FBXL17: variants seen among roughly 807,000 people sequenced by gnomAD.
FBXL17 encodes the protein F-box and leucine rich repeat protein 17.
FBXL17 carries 22 observed loss-of-function variants against 66.2 expected under a neutral mutation model. That is an observed-to-expected ratio of 0.33 (90% CI 0.24 to 0.47). The LOEUF (loss-of-function observed/expected upper bound fraction) is 0.47, where lower values mean the gene tolerates loss of function less well. FBXL17 is among the 20% of genes least tolerant of loss of function. The pLI, the probability that FBXL17 is intolerant of heterozygous loss-of-function variation, is 1.00. For missense variants in FBXL17, 878 were observed against 948.2 expected, an observed-to-expected ratio of 0.93 and a Z score of 0.97; for synonymous variants, 474 against 400.5, an observed-to-expected ratio of 1.18 and a Z score of -2.19.
intron 4 of FBXL17, among the ~76,000 whole-genome samples, chr5:108,290,046 A>T (rs986038648): frequency 1.3e-5 from 2 of 152,206 alleles, no homozygotes; most frequent in African/African-American, 4.8e-5. Context: ...TTTTTAGTGG[A>T]GACACTGGCA....
intron 7 of FBXL17, among the ~76,000 whole-genome samples, chr5:107,883,054 C>G (rs1748842629): frequency 6.6e-6 from 1 of 152,122 alleles, no homozygotes; most frequent in South Asian, 2.1e-4. Flanking sequence ...TAGAATGAAA[C>G]TTTTTTATTT....
At chr5:108,143,347 T>A (rs386650) in intron 6 of FBXL17, among the ~76,000 whole-genome samples, 4,163 of 147,764 alleles carry the variant, frequency 0.028, 193 homozygotes, top group African/African-American at 0.098. Context: ...AACAGCATTC[T>A]CACACACACA....
rs143840082 is a variant in FBXL17 at position 107,923,400 on chromosome 5, T to C, written c.1823-42221A>G. 2.8e-4 allele frequency among the ~76,000 whole-genome samples: 43 copies of C among 152,274 alleles called. 1 individual carries two copies. In the South Asian group the frequency reaches 7.5e-3, roughly 26 times the overall value. On this transcript the variant is annotated intron_variant, in intron 7 of 8. Coordinates refer to ENST00000542267, the MANE Select transcript of FBXL17 (RefSeq NM_001163315.3). ...TGGTAACTAGGGAATGGCTGCGATATAGGCCCTAAGAAAATAGGGTTTCTT... is the reference window on the plus strand; with the variant it reads ...TGGTAACTAGGGAATGGCTGCGATACAGGCCCTAAGAAAATAGGGTTTCTT...
At chr5:108,140,320 CA>C (rs1191846510) in intron 6 of FBXL17, among the ~76,000 whole-genome samples, 1 of 152,172 alleles carries the variant, frequency 6.6e-6, no homozygotes, top group African/African-American at 2.4e-5. Context: ...TGTGGGATTA[CA>C]GGTGTGAGCC....
intron 4 of FBXL17, among the ~76,000 whole-genome samples, chr5:108,295,794 A>T (rs1454907604): frequency 6.6e-6 from 1 of 151,984 alleles, no homozygotes; most frequent in Non-Finnish European, 1.5e-5. Flanking sequence ...TAGGAAAGGG[A>T]AAGAGAAAGG....
chr5:108,379,765 A>G (rs1247760035), intron 1 of FBXL17, among the ~76,000 whole-genome samples: 2 of 152,192 alleles, frequency 1.3e-5, no homozygotes, highest in South Asian at 4.2e-4. Flanking sequence ...TAACTTAATA[A>G]AAACTCTATT....
chr5:107,980,268 G>A (rs1246976190), intron 7 of FBXL17, among the ~76,000 whole-genome samples: 1 of 151,936 alleles, frequency 6.6e-6, no homozygotes, highest in East Asian at 1.9e-4. Flanking sequence ...GATGAAGCTT[G>A]GCCTATAAGA....
chr5:108,091,650 T>C (rs1749191887), intron 6 of FBXL17, among the ~76,000 whole-genome samples: 1 of 152,230 alleles, frequency 6.6e-6, no homozygotes, highest in Non-Finnish European at 1.5e-5. Flanking sequence ...AATCAGGCCT[T>C]ATACTTTCCC....
intron 6 of FBXL17, among the ~76,000 whole-genome samples, chr5:108,042,139 C>T (rs1747072489): frequency 6.6e-6 from 1 of 152,162 alleles, no homozygotes; most frequent in South Asian, 2.1e-4. Context: ...AGGTGATCTG[C>T]CTCCGTGGCC....
chr5:108,370,246 C>T (rs892239614), intron 1 of FBXL17, among the ~76,000 whole-genome samples: 1 of 152,020 alleles, frequency 6.6e-6, no homozygotes, highest in Non-Finnish European at 1.5e-5. Flanking sequence ...TGATGTTGAA[C>T]TAAAGGCTAT....
intron 7 of FBXL17, chr5:108,020,673 AGTGT>A (rs963505336): frequency 7.3e-6 from 2 of 275,846 alleles, no homozygotes; most frequent in East Asian, 6.0e-5. Flanking sequence ...ATTTTGTGTG[AGTGT>A]GTGTGTGCAA....
intron 4 of FBXL17, among the ~76,000 whole-genome samples, chr5:108,328,420 TA>T (rs1310945395): frequency 6.6e-6 from 1 of 151,830 alleles, no homozygotes; most frequent in Non-Finnish European, 1.5e-5. Flanking sequence ...CAAGATAACA[TA>T]AAAAGGGCAG....
intron 4 of FBXL17, among the ~76,000 whole-genome samples, chr5:108,271,712 T>C (rs758527768): frequency 5.3e-5 from 8 of 152,228 alleles, no homozygotes; most frequent in Non-Finnish European, 1.0e-4. Context: ...ATGTATCTAT[T>C]TGTAACATCT....
At chr5:108,256,155 G>A (rs1379389348) in intron 4 of FBXL17, among the ~76,000 whole-genome samples, 1 of 152,064 alleles carries the variant, frequency 6.6e-6, no homozygotes, top group Non-Finnish European at 1.5e-5. Context: ...CTCATCTCCT[G>A]ACAAGATCAC....
intron 7 of FBXL17, among the ~76,000 whole-genome samples, chr5:107,989,082 A>G (rs1044947929): frequency 6.6e-6 from 1 of 152,090 alleles, no homozygotes; most frequent in African/African-American, 2.4e-5. Context: ...TGTAATGATT[A>G]AGTCATGGTA....
At chr5:108,215,187 C>T (rs1273310846) in intron 5 of FBXL17, among the ~76,000 whole-genome samples, 3 of 152,156 alleles carry the variant, frequency 2.0e-5, no homozygotes, top group Non-Finnish European at 4.4e-5. Flanking sequence ...GTACAAGTTT[C>T]TCTTTGAATC....
intron 8 of FBXL17, chr5:107,878,732 C>T (rs1748690346): frequency 1.0e-6 from 1 of 985,356 alleles, no homozygotes; most frequent in Admixed American, 6.1e-5. Flanking sequence ...GCAGGCTTTT[C>T]TGTGCAAGGC....
chr5:107,879,274 T>C, intron 8 of FBXL17: 2 of 985,480 alleles, frequency 2.0e-6, no homozygotes, highest in Non-Finnish European at 1.2e-6. Flanking sequence ...TTAGTTAGCA[T>C]TCATGTGGCA....
At chr5:108,228,895 G>A (rs1263288972) in intron 4 of FBXL17, among the ~76,000 whole-genome samples, 1 of 152,074 alleles carries the variant, frequency 6.6e-6, no homozygotes, top group Non-Finnish European at 1.5e-5. Context: ...TAACCGAGTT[G>A]CACACAAGAA....
Sources: allele counts gnomAD v4.1 joint callset (sites outside exome capture counted in the v4.1 genomes callset), GRCh38; gene constraint gnomAD v4.1.1; transcripts MANE v1.5; gene names NCBI Gene and HGNC (gene_info 2026-07-23, HGNC 2026-07-21).